PRKG1: variants seen among roughly 807,000 people sequenced by gnomAD.
PRKG1 encodes the protein protein kinase cGMP-dependent 1, also known as cGMP-dependent protein kinase 1.
Under a neutral mutation model 88.1 loss-of-function variants are expected in PRKG1, and 35 were observed. The ratio of observed to expected loss-of-function variants is 0.40; its 90% confidence interval spans 0.30 to 0.53. The LOEUF (loss-of-function observed/expected upper bound fraction) is 0.53, where lower values mean the gene tolerates loss of function less well. Ranked by LOEUF, PRKG1 falls within the 20% of genes least tolerant of loss-of-function variation. PRKG1 has a pLI of 0.59. For synonymous variants in PRKG1, 303 were observed against 292.5 expected (o/e 1.04, Z -0.37); for missense variants, 540 against 839.8 (o/e 0.64, Z 4.41).
intron 3 of PRKG1, among the ~76,000 whole-genome samples, chr10:51,744,125 AT>A (rs1397933375): frequency 6.6e-6 from 1 of 152,116 alleles, no homozygotes; most frequent in Non-Finnish European, 1.5e-5. Context: ...TATACTTAAA[AT>A]AGTAGTAGTA....
intron 3 of PRKG1, among the ~76,000 whole-genome samples, chr10:51,680,671 A>G (rs1324256003): frequency 2.0e-5 from 3 of 152,228 alleles, no homozygotes; most frequent in African/African-American, 7.2e-5. Context: ...TTGTGTTCCT[A>G]TAGTACTATG....
chr10:52,294,045 C>A lies in PRKG1; in HGVS notation c.*145C>A, dbSNP rs1842331346. The A allele has an allele frequency of 6.5e-6, 4 of 618,894 alleles. No homozygotes were observed. The Admixed American group carries it at 9.1e-5, about 14-fold the overall frequency. The allele number at this position is 618,894 out of a possible 1,614,324, so 38.3% of individuals were successfully genotyped here. Reference sequence around the variant, plus strand: ...GATGCTGCTCCAGTAACTACAGTGGCATTAGGACTTACCGCTTAGATGACA... The same window carrying A: ...GATGCTGCTCCAGTAACTACAGTGGAATTAGGACTTACCGCTTAGATGACA... On this transcript the variant is annotated 3_prime_UTR_variant, in exon 18 of 18. Transcript: ENST00000373980.
chr10:51,706,169 G>A (rs1841599188), intron 3 of PRKG1, among the ~76,000 whole-genome samples: 1 of 152,138 alleles, frequency 6.6e-6, no homozygotes, highest in Non-Finnish European at 1.5e-5. Flanking sequence ...GTTAAAGCAT[G>A]CATTTTTCCA....
intron 7 of PRKG1, among the ~76,000 whole-genome samples, chr10:52,109,141 T>C (rs1847496650): frequency 6.6e-6 from 1 of 152,114 alleles, no homozygotes; most frequent in East Asian, 1.9e-4. Flanking sequence ...CAAGGATTTA[T>C]TGGCATCACC....
chr10:51,508,493 A>G (rs551060436), intron 3 of PRKG1, among the ~76,000 whole-genome samples: 1 of 152,300 alleles, frequency 6.6e-6, no homozygotes, highest in Non-Finnish European at 1.5e-5. Context: ...ATATAAAATT[A>G]GCAGATTGCC....
chr10:52,133,724 G>C (rs755977518), intron 7 of PRKG1, 116 bp from the exon 8 acceptor site: 3 of 795,942 alleles, frequency 3.8e-6, no homozygotes, highest in Non-Finnish European at 5.8e-6. Flanking sequence ...TAAGCCTGGA[G>C]GTGGATAAAT....
At chr10:51,108,838 A>G (rs1222146806) in intron 1 of PRKG1, among the ~76,000 whole-genome samples, 3 of 152,166 alleles carry the variant, frequency 2.0e-5, no homozygotes, top group East Asian at 1.9e-4. Context: ...GCTTTTTTTC[A>G]GGCAATATTA....
chr10:51,044,799 G>A (rs917344186), intron 1 of PRKG1, among the ~76,000 whole-genome samples: 1 of 152,134 alleles, frequency 6.6e-6, no homozygotes, highest in African/African-American at 2.4e-5. Flanking sequence ...CCTCCAAAGT[G>A]ATAACCCTTA....
intron 7 of PRKG1, among the ~76,000 whole-genome samples, chr10:52,131,617 C>T (rs866790079): frequency 2.0e-5 from 3 of 151,582 alleles, no homozygotes; most frequent in African/African-American, 4.8e-5. Flanking sequence ...GAGGCTGAGG[C>T]GGGTGGATCC....
chr10:51,371,002 C>A (rs568110860), intron 2 of PRKG1, among the ~76,000 whole-genome samples: 57 of 152,206 alleles, frequency 3.7e-4, no homozygotes, highest in African/African-American at 1.4e-3. Flanking sequence ...TATATTCCAG[C>A]CTTGCCAGTT....
intron 3 of PRKG1, among the ~76,000 whole-genome samples, chr10:51,616,458 G>A (rs975664942): frequency 6.6e-6 from 1 of 152,128 alleles, no homozygotes; most frequent in African/African-American, 2.4e-5. Context: ...GGCTGTGGTG[G>A]GCTTAGGAAA....
intron 3 of PRKG1, among the ~76,000 whole-genome samples, chr10:51,774,845 C>T (rs1270568469): frequency 6.6e-6 from 1 of 151,968 alleles, no homozygotes; most frequent in Non-Finnish European, 1.5e-5. Flanking sequence ...TACCTAAAAG[C>T]TCATAAATTA....
chr10:51,816,688 G>A lies in PRKG1; in HGVS notation c.698+11998G>A, dbSNP rs188679587. Among the ~76,000 whole-genome samples the A allele has an allele frequency of 4.6e-4, 70 of 152,128 alleles. No homozygotes were observed. The East Asian group carries it at 0.011, about 23-fold the overall frequency. ...TAATTTTATTATTTACTTTGTGTGT[G>A]TATAATAAGTGATAGAATATTTATG... On this transcript the variant is annotated intron_variant, in intron 4 of 17. Transcript: ENST00000373980.
chr10:51,628,965 C>CAAAAAAAAAAAAAAAA (rs199634329), intron 3 of PRKG1, among the ~76,000 whole-genome samples: 1 of 98,418 alleles, frequency 1.0e-5, no homozygotes, highest in Non-Finnish European at 2.2e-5. Context: ...GACTCCGTCT[C>CAAAAAAAAAAAAAAAA]AAAAAAAAAA....
At chr10:52,126,019 A>G (rs1372859873) in intron 7 of PRKG1, 1 of 152,212 alleles carries the variant, frequency 6.6e-6, no homozygotes, top group African/African-American at 2.4e-5. Context: ...GAAGCACGAC[A>G]GAGTAAGGCT....
chr10:51,306,828 C>T (rs1276673142), intron 2 of PRKG1: 1 of 152,144 alleles, frequency 6.6e-6, no homozygotes, highest in East Asian at 1.9e-4. Context: ...TACTAAATCC[C>T]TCAAAACTCC....
chr10:52,281,794 T>C (rs2132448842), intron 13 of PRKG1, among the ~76,000 whole-genome samples: 1 of 152,250 alleles, frequency 6.6e-6, no homozygotes, highest in Non-Finnish European at 1.5e-5. Flanking sequence ...GGGAAAGATG[T>C]TAAGTAGGCC....
intron 9 of PRKG1, among the ~76,000 whole-genome samples, chr10:52,184,346 G>A (rs1839128682): frequency 6.6e-6 from 1 of 152,088 alleles, no homozygotes; most frequent in Admixed American, 6.6e-5. Flanking sequence ...TTACTGCACA[G>A]TACTTAAGAA....
At chr10:51,702,140 C>G (rs767118941) in intron 3 of PRKG1, among the ~76,000 whole-genome samples, 15 of 152,144 alleles carry the variant, frequency 9.9e-5, no homozygotes, top group South Asian at 2.1e-4. Flanking sequence ...TGAAGATACC[C>G]TGGACATGAA....
Sources: allele counts gnomAD v4.1 joint callset (sites outside exome capture counted in the v4.1 genomes callset), GRCh38; gene constraint gnomAD v4.1.1; transcripts MANE v1.5; gene names NCBI Gene and HGNC (gene_info 2026-07-23, HGNC 2026-07-21).